Variants in PTBP2 observed in about 807,000 individuals in gnomAD.
The protein encoded by PTBP2 is polypyrimidine tract binding protein 2.
A neutral mutation model predicts 61.4 loss-of-function variants in PTBP2; 13 were observed. That is an observed-to-expected ratio of 0.21 (90% CI 0.14 to 0.34). PTBP2 has a LOEUF of 0.34. PTBP2 is among the 10% of genes least tolerant of loss of function. The probability of loss-of-function intolerance (pLI) is 1.00; values close to 1 mark genes in which losing one functional copy is unlikely to be tolerated. For missense variants in PTBP2, 405 were observed against 642.6 expected, an observed-to-expected ratio of 0.63 and a Z score of 4.00; for synonymous variants, 215 against 218.5, an observed-to-expected ratio of 0.98 and a Z score of 0.14.
At chr1:96,807,587 T>C (rs1661622732) in intron 11 of PTBP2, among the ~76,000 whole-genome samples, 1 of 152,218 alleles carries the variant, frequency 6.6e-6, no homozygotes, top group Non-Finnish European at 1.5e-5. Context: ...TGTTCTTACA[T>C]TTCTGTTCAT....
intron 3 of PTBP2, among the ~76,000 whole-genome samples, chr1:96,768,487 T>C (rs1657003018): frequency 6.6e-6 from 1 of 152,042 alleles, no homozygotes; most frequent in East Asian, 1.9e-4. Flanking sequence ...TATACATGTA[T>C]ATTTCTGAAT....
At chr1:96,759,338 G>T (rs1655526105) in intron 3 of PTBP2, among the ~76,000 whole-genome samples, 1 of 152,174 alleles carries the variant, frequency 6.6e-6, no homozygotes, top group Non-Finnish European at 1.5e-5. Context: ...CAGTTCTCAA[G>T]ACTCACTACA....
At chr1:96,778,573 C>G (rs759161816) in intron 7 of PTBP2, among the ~76,000 whole-genome samples, 1 of 152,042 alleles carries the variant, frequency 6.6e-6, no homozygotes, top group Non-Finnish European at 1.5e-5. Flanking sequence ...GTTTGTATAT[C>G]TTAAATCTAC....
At position 96,806,451 on chromosome 1, in the gene PTBP2, C is replaced by T; in HGVS notation, c.1077C>T (p.Phe359=). 3 of 1,604,584 alleles carry T rather than the reference C, an allele frequency of 1.9e-6. No homozygotes were observed. The highest frequency in any genetic ancestry group is 1.7e-6 in the Non-Finnish European group (2 of 1,171,528). Residue 359 remains phenylalanine, a splice_region_variant and synonymous_variant, in exon 10 of 14, where the codon TTC becomes TTT. Coordinates refer to ENST00000674951, the MANE Select transcript of PTBP2 (RefSeq NM_021190.4). ...MVTPQSLFTL[F]GVYGDVQRVK... is the part of the protein sequence containing the mutation. ...CGCCCCAAAGTCTGTTTACCCTCTT[C>T]GGTATGTTATTGTTAGCACTATACT...
intron 5 of PTBP2, among the ~76,000 whole-genome samples, chr1:96,771,719 T>A (rs1228430963): frequency 6.6e-6 from 1 of 152,128 alleles, no homozygotes. Flanking sequence ...TTACTTAGAT[T>A]TTTTTGCATT....
chr1:96,818,354 G>A (rs1444761559), downstream of PTBP2: 1 of 151,992 alleles, frequency 6.6e-6, no homozygotes, highest in Non-Finnish European at 1.5e-5. Flanking sequence ...GATCTTCCTC[G>A]TTTCCTCCAC....
chr1:96,722,811 CTG>C (rs1288023526), intron 1 of PTBP2, among the ~76,000 whole-genome samples: 16 of 152,270 alleles, frequency 1.1e-4, no homozygotes, highest in South Asian at 1.0e-3. Context: ...AGAGGCAAGA[CTG>C]TGAAATGGTA....
intron 3 of PTBP2, among the ~76,000 whole-genome samples, chr1:96,752,793 C>A (rs1654722397): frequency 1.3e-5 from 2 of 151,588 alleles, no homozygotes; most frequent in South Asian, 4.1e-4. Flanking sequence ...CCCCCAAAAC[C>A]AAAAAGTATG....
At chr1:96,820,147 T>C (rs1047400345) in exon 14 of PTBP2, 1 of 152,096 alleles carries the variant, frequency 6.6e-6, no homozygotes, top group South Asian at 2.1e-4. Context: ...TGTTCACTTA[T>C]AAGGATTATG....
intron 7 of PTBP2, among the ~76,000 whole-genome samples, chr1:96,779,927 C>T (rs1364192878): frequency 1.3e-5 from 2 of 151,968 alleles, no homozygotes; most frequent in Non-Finnish European, 2.9e-5. Context: ...TACAAGTAAG[C>T]CCTCTACTCT....
intron 5 of PTBP2, among the ~76,000 whole-genome samples, chr1:96,777,281 T>C (rs1047991494): frequency 4.6e-5 from 7 of 152,208 alleles, no homozygotes; most frequent in Non-Finnish European, 1.5e-5. Context: ...TTTCTGATGG[T>C]ACATGTATTT....
intron 5 of PTBP2, among the ~76,000 whole-genome samples, chr1:96,776,421 A>C (rs1658052141): frequency 6.6e-6 from 1 of 152,018 alleles, no homozygotes; most frequent in African/African-American, 2.4e-5. Flanking sequence ...CTAATACATA[A>C]ATTTATAGAT....
chr1:96,784,033 G>C (rs1213729328), intron 7 of PTBP2, among the ~76,000 whole-genome samples: 1 of 152,034 alleles, frequency 6.6e-6, no homozygotes, highest in Non-Finnish European at 1.5e-5. Flanking sequence ...ATTCCCAGAG[G>C]TGAGAATATT....
intron 3 of PTBP2, 130 bp from the exon 4 acceptor site, chr1:96,769,573 G>A (rs1657150063): frequency 1.8e-6 from 1 of 567,764 alleles, no homozygotes. Context: ...GAATTTTCAA[G>A]AATTATTTAA....
At chr1:96,732,859 A>G (rs1374973618) in intron 2 of PTBP2, among the ~76,000 whole-genome samples, 1 of 152,176 alleles carries the variant, frequency 6.6e-6, no homozygotes, top group African/African-American at 2.4e-5. Context: ...TTTATGGCTA[A>G]CAGCTTGTAT....
At chr1:96,778,031 ATATCT>A (rs1386888602) in intron 7 of PTBP2, 85 bp downstream of exon 7, 13 of 575,786 alleles carry the variant, frequency 2.3e-5, no homozygotes, top group Non-Finnish European at 2.8e-5. Context: ...ATACTTAATG[ATATCT>A]TGTAGCATTA....
intron 2 of PTBP2, among the ~76,000 whole-genome samples, chr1:96,747,251 C>T (rs1653959346): frequency 6.6e-6 from 1 of 152,102 alleles, no homozygotes; most frequent in Non-Finnish European, 1.5e-5. Context: ...TGGACATCTT[C>T]CATGTTGATT....
intron 3 of PTBP2, among the ~76,000 whole-genome samples, chr1:96,765,514 C>T (rs1177905431): frequency 2.0e-5 from 3 of 152,078 alleles, no homozygotes; most frequent in Admixed American, 2.0e-4. Flanking sequence ...AGTTCGAGAC[C>T]AGCCTGGCCA....
At chr1:96,774,296 C>G (rs1325378560) in intron 5 of PTBP2, among the ~76,000 whole-genome samples, 1 of 152,100 alleles carries the variant, frequency 6.6e-6, no homozygotes, top group East Asian at 1.9e-4. Flanking sequence ...CTCCTGTGAA[C>G]CTGCCAATTT....
Sources: gnomAD v4.1 joint callset for allele counts (sites outside exome capture counted in the v4.1 genomes callset) on GRCh38, gnomAD v4.1.1 for gene constraint, MANE v1.5 for transcripts, NCBI Gene and HGNC (gene_info 2026-07-23, HGNC 2026-07-21) for gene names.